RBFOX1: variants seen among roughly 807,000 people sequenced by gnomAD.
RBFOX1 encodes the protein RNA binding protein fox-1 homolog 1.
Under a neutral mutation model 57.7 loss-of-function variants are expected in RBFOX1, and 8 were observed. The ratio of observed to expected loss-of-function variants is 0.14; its 90% CI spans 0.08 to 0.25. The LOEUF (loss-of-function observed/expected upper bound fraction) is 0.25. Among genes scored for constraint, RBFOX1 ranks in the 10% least tolerant of loss-of-function variants. The pLI, the probability that RBFOX1 is intolerant of heterozygous loss-of-function variation, is 1.00. For missense variants in RBFOX1, 611 were observed against 548.5 expected (o/e 1.11, Z -1.14); for synonymous variants, 326 against 222.4 (o/e 1.47, Z -4.15).
chr16:6,847,562 G>C (rs1011397359), intron 3 of RBFOX1, among the ~76,000 whole-genome samples: 5 of 152,074 alleles, frequency 3.3e-5, no homozygotes, highest in African/African-American at 9.7e-5. Flanking sequence ...GGGAAGTGTG[G>C]TCCATGGTCA....
intron 1 of RBFOX1, among the ~76,000 whole-genome samples, chr16:6,113,329 C>T (rs1333233237): frequency 6.6e-6 from 1 of 152,134 alleles, no homozygotes; most frequent in African/African-American, 2.4e-5. Context: ...AGTTATGTGG[C>T]CAAATCCAAG....
At chr16:7,270,551 C>T (rs1399074787) in intron 4 of RBFOX1, among the ~76,000 whole-genome samples, 1 of 152,182 alleles carries the variant, frequency 6.6e-6, no homozygotes, top group Non-Finnish European at 1.5e-5. Flanking sequence ...GCAGTGGTGG[C>T]TCACTGCTGG....
intron 1 of RBFOX1, among the ~76,000 whole-genome samples, chr16:6,093,684 C>G (rs534469140): frequency 6.6e-6 from 1 of 152,242 alleles, no homozygotes; most frequent in Admixed American, 6.5e-5. Flanking sequence ...TGCAGTGGCT[C>G]AAGTGTAGCT....
In RBFOX1 at chr16:7,301,770, C is replaced by T. The variant is rs547440614; in HGVS notation, c.28-216377C>T. On this transcript the variant is annotated intron_variant, in intron 4 of 15. Coordinates refer to ENST00000550418, the MANE Select transcript of RBFOX1 (RefSeq NM_018723.4). Reference sequence around the variant, plus strand: ...GAAAAAAAAATAAAGGAAAGCAGTGCGAACCCGTCCGTACAGCAGATTGCT... The same window carrying T: ...GAAAAAAAAATAAAGGAAAGCAGTGTGAACCCGTCCGTACAGCAGATTGCT... 3.3e-5 allele frequency among the ~76,000 whole-genome samples: 5 copies of T among 152,146 alleles called. No individual in the cohort carries two copies. The South Asian group carries it at 1.0e-3, about 32-fold the overall frequency.
intron 4 of RBFOX1, among the ~76,000 whole-genome samples, chr16:5,977,212 C>G (rs1408492839): frequency 6.6e-6 from 1 of 152,184 alleles, no homozygotes; most frequent in Non-Finnish European, 1.5e-5. Flanking sequence ...TCCAAAAACT[C>G]TGGTGACTTT....
chr16:6,366,256 A>ATATCTGGAAGGTT lies in RBFOX1; in HGVS notation c.-64+49202_-64+49203insCTGGAAGGTTTAT, dbSNP rs1162303511. Among the ~76,000 whole-genome samples, 6 of 152,262 alleles carry ATATCTGGAAGGTT rather than the reference A, an allele frequency of 3.9e-5. No homozygotes were observed. The South Asian group carries it at 1.0e-3, about 26-fold the overall frequency. On this transcript the variant is annotated intron_variant, in intron 2 of 15. Coordinates refer to ENST00000550418, the MANE Select transcript of RBFOX1 (RefSeq NM_018723.4). ...GTCTTGATATGTATATCTGGAAGGT[A>ATATCTGGAAGGTT]TATATCTTGTTTTTCCCTTGCTTTT...
At chr16:5,255,702 A>T (rs954877789) in intron 1 of RBFOX1, among the ~76,000 whole-genome samples, 3 of 151,728 alleles carry the variant, frequency 2.0e-5, no homozygotes, top group Non-Finnish European at 2.9e-5. Context: ...CCACCCACCT[A>T]TCTATCCATC....
intron 4 of RBFOX1, among the ~76,000 whole-genome samples, chr16:7,450,101 A>G (rs2098839863): frequency 6.6e-6 from 1 of 152,044 alleles, no homozygotes; most frequent in African/African-American, 2.4e-5. Flanking sequence ...AGTATAAATA[A>G]AAGGAGAGAC....
intron 3 of RBFOX1, among the ~76,000 whole-genome samples, chr16:6,802,435 G>C (rs991548941): frequency 6.6e-6 from 1 of 152,146 alleles, no homozygotes; most frequent in Non-Finnish European, 1.5e-5. Flanking sequence ...CCAGCACTTT[G>C]GGAGGCCGAG....
At chr16:5,531,655 C>T (rs1464928642) in intron 2 of RBFOX1, among the ~76,000 whole-genome samples, 1 of 75,784 alleles carries the variant, frequency 1.3e-5, no homozygotes, top group Non-Finnish European at 2.5e-5. Flanking sequence ...AAAGCATTGC[C>T]ATGAGGATTA....
chr16:5,425,845 C>G (rs962276602), intron 1 of RBFOX1, among the ~76,000 whole-genome samples: 5 of 152,174 alleles, frequency 3.3e-5, no homozygotes, highest in Non-Finnish European at 7.3e-5. Context: ...CATTCCAGCT[C>G]TTAGAGGTAA....
rs148688423 is a variant in RBFOX1, at chr16:5,666,569, G to A, written c.318+67608G>A. On this transcript the variant is annotated intron_variant, in intron 3 of 19. Coordinates refer to the RBFOX1 transcript ENST00000641259. ...AACAGATAGATGATATATTAAATAC[G>A]TACCTAAGCCAACAGTGTACTTAAA... Among the ~76,000 whole-genome samples the A allele has an allele frequency of 3.9e-5, 6 of 152,240 alleles. No homozygotes were observed. The East Asian group carries it at 9.7e-4, about 25-fold the overall frequency.
chr16:6,388,747 AAAAC>A (rs1292503819), intron 2 of RBFOX1, among the ~76,000 whole-genome samples: 1 of 152,170 alleles, frequency 6.6e-6, no homozygotes, highest in East Asian at 1.9e-4. Flanking sequence ...TTCAAAAACA[AAAAC>A]AAACAAAAAG....
intron 2 of RBFOX1, among the ~76,000 whole-genome samples, chr16:6,485,744 C>G (rs942055565): frequency 6.6e-6 from 1 of 152,146 alleles, no homozygotes; most frequent in African/African-American, 2.4e-5. Context: ...AGGGTTTATA[C>G]GAAAGTACTT....
chr16:7,492,325 G>C (rs1030975838), intron 4 of RBFOX1, among the ~76,000 whole-genome samples: 3 of 151,870 alleles, frequency 2.0e-5, no homozygotes, highest in Non-Finnish European at 2.9e-5. Context: ...AAAAAATGGG[G>C]GTCAACTTTT....
At chr16:6,604,757 G>A (rs2097903210) in intron 2 of RBFOX1, among the ~76,000 whole-genome samples, 1 of 152,118 alleles carries the variant, frequency 6.6e-6, no homozygotes. Flanking sequence ...AGGAATATAT[G>A]ATTCCAAGAT....
intron 2 of RBFOX1, among the ~76,000 whole-genome samples, chr16:6,416,527 T>C (rs1177123932): frequency 6.6e-6 from 1 of 152,090 alleles, no homozygotes. Flanking sequence ...GAGATTGTAT[T>C]AATGAGGAAA....
chr16:7,375,270 C>T (rs200749815), intron 4 of RBFOX1, among the ~76,000 whole-genome samples: 2 of 152,126 alleles, frequency 1.3e-5, no homozygotes, highest in South Asian at 2.1e-4. Flanking sequence ...GACAGGACAG[C>T]CTGATTCCAA....
chr16:5,852,192 C>G (rs967060580), intron 3 of RBFOX1, among the ~76,000 whole-genome samples: 1 of 152,098 alleles, frequency 6.6e-6, no homozygotes, highest in Non-Finnish European at 1.5e-5. Flanking sequence ...CTTCCAAGAT[C>G]GTGCCTTCAA....
Sources: gnomAD v4.1 joint callset for allele counts (sites outside exome capture counted in the v4.1 genomes callset) on GRCh38, gnomAD v4.1.1 for gene constraint, MANE v1.5 for transcripts, NCBI Gene and HGNC (gene_info 2026-07-23, HGNC 2026-07-21) for gene names.